The following MTRR variants were observed in gnomAD, a reference collection of about 807,000 sequenced individuals.
MTRR encodes 5-methyltetrahydrofolate-homocysteine methyltransferase reductase, also known as methionine synthase reductase.
Under a neutral mutation model 79.2 loss-of-function variants are expected in MTRR, and 63 were observed. The ratio of observed to expected loss-of-function variants is 0.80; its 90% CI spans 0.65 to 0.98. The LOEUF (loss-of-function observed/expected upper bound fraction) is 0.98, where lower values mean the gene tolerates loss of function less well. Ranked by LOEUF, MTRR falls within the 50% of genes least tolerant of loss-of-function variation. The pLI, the probability that MTRR is intolerant of heterozygous loss-of-function variation, is 0.00. For missense variants in MTRR, 895 were observed against 839.6 expected (o/e 1.07, Z -0.82); for synonymous variants, 355 against 313.3 (o/e 1.13, Z -1.41).
At chr5:7,867,717 C>A, upstream of MTRR, 1 of 1,614,188 alleles carries the variant, frequency 6.2e-7, no homozygotes, top group Non-Finnish European at 8.5e-7. Context: ...GGCAGGGTTT[C>A]CATCGTGCTT....
chr5:7,870,039 G>T, intron 1 of MTRR: 4 of 985,394 alleles, frequency 4.1e-6, no homozygotes, highest in Non-Finnish European at 4.8e-6. Flanking sequence ...GCCGTTAGAT[G>T]AGTATGGAAA....
At chr5:7,862,473 A>G in intron 2 of MTRR, among the ~76,000 whole-genome samples, 1 of 152,198 alleles carries the variant, frequency 6.6e-6, no homozygotes, top group Non-Finnish European at 1.5e-5. Flanking sequence ...CCTAGGTTAT[A>G]GTAGTAGCTA....
upstream of MTRR, chr5:7,867,734 C>T (rs146944469): frequency 3.7e-6 from 6 of 1,614,082 alleles, no homozygotes; most frequent in African/African-American, 6.7e-5. Flanking sequence ...GCTTATAAAA[C>T]TTAGCACTTC....
Position 7,875,351 on chromosome 5 carries a change from C to G in MTRR, c.377C>G (p.Thr126Ser). Residue 126 changes from threonine (T) to serine (S), a missense_variant, in exon 4 of 15, where the codon ACT (threonine) becomes AGT (serine). Thr to Ser is a moderately conservative substitution (Grantham distance 58). Coordinates refer to ENST00000440940, the MANE Select transcript of MTRR (RefSeq NM_002454.3). ...CTTGGAGCCCGGCATTTCTATGACA[C>G]TGGACATGCAGATGACTGTGTAGGG... ...QELGARHFYDTGHADDCVGLE... is the reference protein window; with the variant it reads ...QELGARHFYDSGHADDCVGLE... 6.2e-7 allele frequency: 1 copy of G among 1,612,842 alleles called. No homozygotes were observed. The highest frequency in any genetic ancestry group is 8.5e-7 in the Non-Finnish European group (1 of 1,178,922).
At chr5:7,850,930 A>C, upstream of MTRR, 2 of 1,357,520 alleles carry the variant, frequency 1.5e-6, no homozygotes, top group Non-Finnish European at 1.9e-6. Flanking sequence ...CCGCGGCGGG[A>C]TGTAGCTGAA....
At chr5:7,855,420 G>GAAA (rs5865737) in intron 1 of MTRR, among the ~76,000 whole-genome samples, 1 of 145,302 alleles carries the variant, frequency 6.9e-6, no homozygotes, top group Non-Finnish European at 1.5e-5. Flanking sequence ...CATTCCAGTG[G>GAAA]AAAAAAAAAA....
chr5:7,883,244 A>G lies in MTRR; in HGVS notation c.870A>G (p.Ile290Met), dbSNP rs764523081. The change falls in exon 6 of 15, where the codon ATA becomes ATG. Residue 290 changes from isoleucine to methionine, a missense_variant. Ile to Met is a conservative substitution (Grantham distance 10, BLOSUM62 1). Coordinates refer to ENST00000440940, the MANE Select transcript of MTRR (RefSeq NM_002454.3). ...TTCAACTTACTACGAATGATGCCAT[A>G]AAAACCACTCTGCTGGTAGAATTGG... ...KAVQLTTNDAIKTTLLVELDI... is the reference protein window; with the variant it reads ...KAVQLTTNDAMKTTLLVELDI... 2 of 1,614,252 alleles carry G rather than the reference A, an allele frequency of 1.2e-6. No homozygotes were observed. The highest frequency in any genetic ancestry group is 1.7e-5 in the Admixed American group (1 of 60,032).
At chr5:7,872,378 A>T (rs761884585) in intron 2 of MTRR, 11 of 343,986 alleles carry the variant, frequency 3.2e-5, no homozygotes, top group Non-Finnish European at 6.2e-5. Context: ...CTTGATTTGT[A>T]AGAGTTTATA....
At chr5:7,869,238 T>C (rs1747407307) in intron 1 of MTRR, 23 bp downstream of exon 1, 4 of 1,602,044 alleles carry the variant, frequency 2.5e-6, no homozygotes, top group Non-Finnish European at 3.4e-6. Context: ...TCGGCTACGG[T>C]TCCCGGATTC....
chr5:7,876,185 CT>C (rs1314504819), intron 4 of MTRR, among the ~76,000 whole-genome samples: 1 of 151,920 alleles, frequency 6.6e-6, no homozygotes, highest in Non-Finnish European at 1.5e-5. Context: ...TGAACTCACC[CT>C]GTGCCCACTT....
At chr5:7,865,414 G>A (rs162029), upstream of MTRR, among the ~76,000 whole-genome samples, 47,536 of 151,984 alleles carry the variant, frequency 0.31, 9,920 homozygotes, top group African/African-American at 0.57. Flanking sequence ...AATGTGATAG[G>A]TAATAGGATA....
intron 6 of MTRR, among the ~76,000 whole-genome samples, chr5:7,885,472 G>A (rs1429989523): frequency 6.6e-6 from 1 of 151,898 alleles, no homozygotes; most frequent in Non-Finnish European, 1.5e-5. Context: ...AAAACACTGG[G>A]TAACTACCAG....
At chr5:7,865,769 TG>T, upstream of MTRR, 1 of 655,316 alleles carries the variant, frequency 1.5e-6, no homozygotes, top group Non-Finnish European at 2.7e-6. Flanking sequence ...AAAGCCTATC[TG>T]GTGGCAACTG....
At chr5:7,855,782 C>T (rs963177918) in intron 1 of MTRR, among the ~76,000 whole-genome samples, 3 of 152,192 alleles carry the variant, frequency 2.0e-5, no homozygotes, top group South Asian at 2.1e-4. Flanking sequence ...ATCAACTCCA[C>T]CCACACACTG....
At chr5:7,890,836 G>C (rs1195579619) in intron 9 of MTRR, among the ~76,000 whole-genome samples, 2 of 152,062 alleles carry the variant, frequency 1.3e-5, no homozygotes, top group Non-Finnish European at 1.5e-5. Flanking sequence ...TGAAATCACT[G>C]ATTTTTTTTG....
At chr5:7,867,121 A>G (rs144694454), upstream of MTRR, 696 of 1,614,206 alleles carry the variant, frequency 4.3e-4, 4 homozygotes, top group African/African-American at 8.4e-3. Flanking sequence ...GCCTCACGAC[A>G]TATTTGCCCA....
chr5:7,886,208 T>C (rs1043758394), intron 7 of MTRR, among the ~76,000 whole-genome samples: 48 of 152,140 alleles, frequency 3.2e-4, no homozygotes, highest in Admixed American at 1.2e-3. Flanking sequence ...TCATTTATTA[T>C]ATAAAATAAT....
At chr5:7,860,865 T>TA (rs1474167437) in intron 1 of MTRR, among the ~76,000 whole-genome samples, 1 of 152,184 alleles carries the variant, frequency 6.6e-6, no homozygotes, top group African/African-American at 2.4e-5. Flanking sequence ...CTAATAATTA[T>TA]ATAACTAGGA....
Position 7,885,712 on chromosome 5 carries a change from T to C in MTRR, c.915T>C (p.Phe305=). ...TGGCTCTTCTCTAGAATACAGACTT[T>C]TCCTATCAGCCTGGAGATGCCTTCA... The part of the protein sequence containing the change: ...LVELDISNTD[F]SYQPGDAFSV... The change falls in exon 7 of 15, where the codon TTT becomes TTC. Residue 305 remains phenylalanine, a synonymous_variant. Coordinates refer to ENST00000440940, the MANE Select transcript of MTRR (RefSeq NM_002454.3). 2 of 1,614,022 alleles carry C rather than the reference T, an allele frequency of 1.2e-6. No homozygotes were observed. Among genetic ancestry groups the C allele is most frequent in the Non-Finnish European group, 1.7e-6 (2 of 1,179,940 alleles).
Sources: allele counts gnomAD v4.1 joint callset (sites outside exome capture counted in the v4.1 genomes callset), GRCh38; gene constraint gnomAD v4.1.1; transcripts MANE v1.5; gene names NCBI Gene and HGNC (gene_info 2026-07-23, HGNC 2026-07-21).